The following RHBDF2 variants were observed in gnomAD, a reference collection of about 807,000 sequenced individuals.
RHBDF2 encodes the protein rhomboid 5 homolog 2.
A neutral mutation model predicts 95.2 loss-of-function variants in RHBDF2; 38 were observed. The ratio of observed to expected loss-of-function variants is 0.40; its 90% confidence interval spans 0.31 to 0.52. The LOEUF is 0.52. Ranked by LOEUF, RHBDF2 falls within the 20% of genes least tolerant of loss-of-function variation. The pLI is 0.56. For synonymous variants in RHBDF2, 442 were observed against 462.0 expected, an observed-to-expected ratio of 0.96 and a Z score of 0.55; for missense variants, 863 against 1,137.7, an observed-to-expected ratio of 0.76 and a Z score of 3.47.
chr17:76,477,152 G>A (rs1174556231), intron 8 of RHBDF2, 28 bp downstream of exon 8: 1 of 1,611,120 alleles, frequency 6.2e-7, no homozygotes, highest in East Asian at 2.2e-5. Flanking sequence ...TGGCTGGCCT[G>A]GAGGAGGGAC....
Position 76,474,710 on chromosome 17 carries a change from C to A in RHBDF2, c.1302+20G>T, listed in dbSNP as rs769603302. ...CAGGGACTCCTGGCTCAGATGATGT[C>A]CCCCAGCCTGGGCCCTCACCGAGCT... is the stretch of plus-strand genomic sequence containing the variant. On this transcript the variant is annotated intron_variant, in intron 11 of 18. Transcript: ENST00000675367. The A allele has an allele frequency of 6.2e-7, 1 of 1,614,178 alleles. No individual in the cohort carries two copies. Among genetic ancestry groups the A allele is most frequent in the Admixed American group, 1.7e-5 (1 of 60,020 alleles).
intron 2 of RHBDF2, among the ~76,000 whole-genome samples, chr17:76,485,644 C>T (rs1169661858): frequency 6.6e-6 from 1 of 152,156 alleles, no homozygotes; most frequent in Non-Finnish European, 1.5e-5. Flanking sequence ...AGCACTGTGT[C>T]CACACAGAAA....
At chr17:76,484,051 C>T (rs568820854) in intron 2 of RHBDF2, among the ~76,000 whole-genome samples, 2 of 152,074 alleles carry the variant, frequency 1.3e-5, no homozygotes, top group African/African-American at 2.4e-5. Context: ...CACCTGAGGT[C>T]GGGAGTTCGA....
chr17:76,498,106 C>A (rs1386690763), intron 1 of RHBDF2, among the ~76,000 whole-genome samples: 1 of 152,162 alleles, frequency 6.6e-6, no homozygotes, highest in African/African-American at 2.4e-5. Flanking sequence ...TACACCCATC[C>A]TAGGTCTCCT....
chr17:76,472,060 G>T lies in RHBDF2; in HGVS notation c.2065-8C>A. The T allele has an allele frequency of 6.5e-7, 1 of 1,548,388 alleles. No individual in the cohort carries two copies. Among genetic ancestry groups the T allele is most frequent in the South Asian group, 1.2e-5 (1 of 84,240 alleles). ...TGAGCCGGCCGGGCCCACCTGGGGC[G>T]GGGCAGGGGAGACGTGGCTTCAGGC... is the stretch of plus-strand genomic sequence containing the variant. On this transcript the variant is annotated splice_polypyrimidine_tract_variant and splice_region_variant and intron_variant, in intron 18 of 18. Transcript: ENST00000675367.
chr17:76,499,690 T>C (rs2074527686), intron 1 of RHBDF2, among the ~76,000 whole-genome samples: 1 of 152,124 alleles, frequency 6.6e-6, no homozygotes, highest in South Asian at 2.1e-4. Context: ...GAGTTAGGTG[T>C]GAGTTCAGAA....
chr17:76,498,869 T>C (rs1029637931), intron 1 of RHBDF2, among the ~76,000 whole-genome samples: 14 of 150,444 alleles, frequency 9.3e-5, no homozygotes, highest in Non-Finnish European at 2.1e-4. Flanking sequence ...TGTGTGTCTG[T>C]TTGTGTGTGT....
chr17:76,477,187 T>C lies in RHBDF2; in HGVS notation c.913A>G (p.Ile305Val). 1 of 1,611,978 alleles carries C rather than the reference T, an allele frequency of 6.2e-7. No homozygotes were observed. Among genetic ancestry groups the C allele is most frequent in the South Asian group, 1.1e-5 (1 of 90,788 alleles). Reference sequence around the variant, plus strand: ...CTCTGCCCCAGCACTCACAGAGGGATTTGCACCCCATCGGGGGAGACAGGG... The same window carrying C: ...CTCTGCCCCAGCACTCACAGAGGGACTTGCACCCCATCGGGGGAGACAGGG... ...ASPVSPDGVQ[I>V]PLKEYGRAPV... The change falls in exon 8 of 19, where the codon ATC becomes GTC. Residue 305 changes from isoleucine to valine, a missense_variant. Transcript: ENST00000675367.
In RHBDF2 at chr17:76,501,401, G is replaced by T; in HGVS notation, c.-268C>A. The stretch of plus-strand genomic sequence containing the variant: ...GGACGCAACTCCGTGCGGCGCCTGC[G>T]AGCGGCTGGGCGGTGGCTCCTCGGG... On this transcript the variant is annotated 5_prime_UTR_variant, in exon 1 of 19. Coordinates refer to ENST00000675367, the MANE Select transcript of RHBDF2 (RefSeq NM_001005498.4). The T allele has an allele frequency of 6.6e-6, 1 of 152,476 alleles. No individual in the cohort carries two copies. Among genetic ancestry groups the T allele is most frequent in the South Asian group, 2.0e-4 (1 of 5,038 alleles). 9.4% of individuals were successfully genotyped at this position (152,476 alleles called of 1,614,324 possible).
chr17:76,472,985 G>T lies in RHBDF2; in HGVS notation c.1910+20C>A. 1 of 1,610,288 alleles carries T rather than the reference G, an allele frequency of 6.2e-7. No individual in the cohort carries two copies. Among genetic ancestry groups the T allele is most frequent in the South Asian group, 1.1e-5 (1 of 91,018 alleles). On this transcript the variant is annotated intron_variant, in intron 17 of 18. Transcript: ENST00000675367. ...GGCCATCACAGGGGTCGGGTTCGGG[G>T]GCAGTGAGGAGCCTCTTACCCAGCA... is the stretch of plus-strand genomic sequence containing the variant.
chr17:76,477,698 C>T lies in RHBDF2; in HGVS notation c.760G>A (p.Val254Ile), dbSNP rs1174422009. ...AFPSFLEEDV[V>I]DGADTFDSSF... ...GAGTCAAACGTGTCTGCCCCATCGA[C>T]CACATCCTCCTCCAGGAAGCTCGGG... Residue 254 changes from valine (V) to isoleucine (I), a missense_variant, in exon 7 of 19, where the codon GTC becomes ATC. This residue lies in a region of RHBDF2 where 611 missense variants were observed against 725.5 expected (regional missense o/e 0.84). Transcript: ENST00000675367. The T allele has an allele frequency of 2.5e-6, 4 of 1,614,040 alleles. No individual in the cohort carries two copies. Among genetic ancestry groups the T allele is most frequent in the Non-Finnish European group, 3.4e-6 (4 of 1,180,028 alleles).
chr17:76,480,466 C>T (rs954759821), intron 3 of RHBDF2, among the ~76,000 whole-genome samples: 1 of 151,782 alleles, frequency 6.6e-6, no homozygotes, highest in Non-Finnish European at 1.5e-5. Context: ...CTCACTGGAG[C>T]CTCGACCTCC....
chr17:76,474,493 G>A lies in RHBDF2; in HGVS notation c.1344C>T (p.Ile448=). The change falls in exon 12 of 19, where the codon ATC becomes ATT. Residue 448 remains isoleucine (I), a synonymous_variant. Transcript: ENST00000675367. ...IHLGAKFSPC[I]RKDGQIEQLV... ...GCTGCTCGATCTGCCCGTCCTTCCG[G>A]ATGCAGGGTGAGAACTTGGCCCCCA... The A allele has an allele frequency of 6.2e-7, 1 of 1,614,178 alleles. No homozygotes were observed. Among genetic ancestry groups the A allele is most frequent in the East Asian group, 2.2e-5 (1 of 44,880 alleles).
intron 3 of RHBDF2, among the ~76,000 whole-genome samples, 195 bp downstream of exon 3, chr17:76,481,180 C>A (rs2073951514): frequency 1.3e-5 from 2 of 152,212 alleles, no homozygotes; most frequent in African/African-American, 4.8e-5. Flanking sequence ...TGAGAGTGAG[C>A]CCGGTTCCTG....
At chr17:76,485,985 A>G (rs2074115145) in intron 2 of RHBDF2, among the ~76,000 whole-genome samples, 1 of 152,066 alleles carries the variant, frequency 6.6e-6, no homozygotes, top group Non-Finnish European at 1.5e-5. Context: ...AGGGGGTGAC[A>G]GCTAAAGGGT....
At chr17:76,478,439 G>A (rs549490387) in intron 6 of RHBDF2, among the ~76,000 whole-genome samples, 3 of 152,342 alleles carry the variant, frequency 2.0e-5, no homozygotes, top group Admixed American at 1.3e-4. Context: ...CCTGGGCTGC[G>A]AGCTCAGCCA....
rs1688562248 is a variant in RHBDF2, at chr17:76,477,164, C to A, written c.920+16G>T. On this transcript the variant is annotated intron_variant, in intron 8 of 18. Transcript: ENST00000675367. Reference sequence around the variant, plus strand: ...TGGTGGCTGGCCTGGAGGAGGGACTCTGCCCCAGCACTCACAGAGGGATTT... The same window carrying A: ...TGGTGGCTGGCCTGGAGGAGGGACTATGCCCCAGCACTCACAGAGGGATTT... The A allele has an allele frequency of 1.2e-6, 2 of 1,611,430 alleles. No homozygotes were observed. The highest frequency in any genetic ancestry group is 1.3e-5 in the African/African-American group (1 of 74,894).
At chr17:76,492,800 A>T (rs1272315431) in intron 1 of RHBDF2, among the ~76,000 whole-genome samples, 2 of 152,206 alleles carry the variant, frequency 1.3e-5, no homozygotes, top group South Asian at 2.1e-4. Flanking sequence ...AGAGGGAAAC[A>T]GGCAGAGGCT....
chr17:76,475,808 CTGACCTCAGG>C, intron 9 of RHBDF2: 1 of 152,556 alleles, frequency 6.6e-6, no homozygotes, highest in South Asian at 2.1e-4. Context: ...TCTCGAACTC[CTGACCTCAGG>C]TGATCTGCCC....
Sources: allele counts gnomAD v4.1 joint callset (sites outside exome capture counted in the v4.1 genomes callset), GRCh38; gene constraint gnomAD v4.1.1; regional missense constraint gnomAD v4.1.1; transcripts MANE v1.5; gene names NCBI Gene and HGNC (gene_info 2026-07-23, HGNC 2026-07-21).